Variants in GPHN observed in about 807,000 individuals in gnomAD.
The protein encoded by GPHN is gephyrin.
GPHN carries 17 observed loss-of-function variants against 95.5 expected under a neutral mutation model. The ratio of observed to expected loss-of-function variants is 0.18; its 90% CI spans 0.12 to 0.27. GPHN has a LOEUF of 0.27. Ranked by LOEUF, GPHN falls within the 10% of genes least tolerant of loss-of-function variation. The pLI is 1.00. For missense variants in GPHN, 660 were observed against 978.1 expected (o/e 0.67, Z 4.34); for synonymous variants, 320 against 322.5 (o/e 0.99, Z 0.08).
the GPHN span, among the ~76,000 whole-genome samples, chr14:67,247,403 G>A: frequency 1.3e-5 from 2 of 152,184 alleles, no homozygotes; most frequent in Admixed American, 1.3e-4. Flanking sequence ...AGCTCTAGGA[G>A]CTTTTTTATT....
chr14:66,533,168 C>G (rs1379991153), intron 1 of GPHN, among the ~76,000 whole-genome samples: 2 of 152,228 alleles, frequency 1.3e-5, no homozygotes, highest in Non-Finnish European at 2.9e-5. Context: ...AGCTCTCTGC[C>G]TATGGCTATT....
chr14:67,198,163 TGAA>T, the GPHN span: 36,100 of 1,611,864 alleles, frequency 0.022, 1,492 homozygotes, highest in African/African-American at 0.15. Context: ...GCAAGCGCAA[TGAA>T]GAAGAACACC....
chr14:66,571,482 T>C (rs10140885), intron 1 of GPHN, among the ~76,000 whole-genome samples: 263 of 152,256 alleles, frequency 1.7e-3, no homozygotes, highest in African/African-American at 6.1e-3. Context: ...GGCAAAAGAC[T>C]TTTAGTTTGC....
At chr14:67,643,854 A>T in the GPHN span, among the ~76,000 whole-genome samples, 4 of 12,308 alleles carry the variant, frequency 3.2e-4, no homozygotes, top group East Asian at 0.016. Context: ...CTTGGGAGTA[A>T]AAAAAAAAAA....
At chr14:67,540,575 A>G in the GPHN span, among the ~76,000 whole-genome samples, 1 of 151,898 alleles carries the variant, frequency 6.6e-6, no homozygotes, top group Non-Finnish European at 1.5e-5. Flanking sequence ...GTAGTGAGCC[A>G]AAATTGCACC....
chr14:66,971,993 C>T (rs1215922906), intron 9 of GPHN, among the ~76,000 whole-genome samples: 2 of 152,008 alleles, frequency 1.3e-5, no homozygotes, highest in East Asian at 3.9e-4. Flanking sequence ...TTGGGCTGGG[C>T]GTGGTGGCTC....
At chr14:66,866,574 G>A (rs1046445666) in intron 4 of GPHN, among the ~76,000 whole-genome samples, 3 of 152,144 alleles carry the variant, frequency 2.0e-5, no homozygotes, top group Non-Finnish European at 2.9e-5. Flanking sequence ...GAAAAGTTGT[G>A]ATGCTAACGA....
intron 8 of GPHN, among the ~76,000 whole-genome samples, chr14:66,956,106 T>G (rs1254454760): frequency 6.6e-6 from 1 of 152,208 alleles, no homozygotes; most frequent in Non-Finnish European, 1.5e-5. Flanking sequence ...ATAATTCTTA[T>G]TATTTTCTTT....
At chr14:67,313,598 G>A in the GPHN span, among the ~76,000 whole-genome samples, 1 of 152,100 alleles carries the variant, frequency 6.6e-6, no homozygotes, top group Non-Finnish European at 1.5e-5. Flanking sequence ...TATCGGAGAA[G>A]GCAAAGGAAT....
At chr14:67,508,221 C>T in the GPHN span, among the ~76,000 whole-genome samples, 2 of 151,990 alleles carry the variant, frequency 1.3e-5, no homozygotes, top group African/African-American at 4.8e-5. Context: ...TCCTTAGCTT[C>T]CAGTTTGACT....
chr14:67,700,750 C>T, the GPHN span, among the ~76,000 whole-genome samples: 1 of 146,140 alleles, frequency 6.8e-6, no homozygotes, highest in African/African-American at 2.6e-5. Flanking sequence ...GTTGGCTGGG[C>T]ATGGTGACTC....
the GPHN span, among the ~76,000 whole-genome samples, chr14:67,428,030 T>C: frequency 6.6e-6 from 1 of 151,802 alleles, no homozygotes; most frequent in African/African-American, 2.4e-5. Context: ...CAAGCGATTC[T>C]CCTGCCTCAG....
chr14:67,018,980 T>C (rs1406367504), intron 9 of GPHN, among the ~76,000 whole-genome samples: 1 of 152,158 alleles, frequency 6.6e-6, no homozygotes, highest in African/African-American at 2.4e-5. Flanking sequence ...AGTTTAGACA[T>C]TGCTAACTAA....
the GPHN span, among the ~76,000 whole-genome samples, chr14:67,409,822 C>A: frequency 6.6e-6 from 1 of 152,202 alleles, no homozygotes; most frequent in African/African-American, 2.4e-5. Context: ...CCTGCCACAG[C>A]CTGCAACTTC....
chr14:67,220,611 T>G, the GPHN span, among the ~76,000 whole-genome samples: 1 of 152,226 alleles, frequency 6.6e-6, no homozygotes, highest in African/African-American at 2.4e-5. Context: ...AGAATTTACT[T>G]TATAAAACAT....
intron 1 of GPHN, among the ~76,000 whole-genome samples, chr14:66,530,935 T>C (rs2058901956): frequency 6.6e-6 from 1 of 151,466 alleles, no homozygotes. Context: ...GCCCACTGTT[T>C]TCTTGTTTGT....
Position 67,113,118 on chromosome 14 carries a change from G to C in GPHN, c.1573G>C (p.Glu525Gln). 1 of 1,613,964 alleles carries C rather than the reference G, an allele frequency of 6.2e-7. No homozygotes were observed. The highest frequency in any genetic ancestry group is 8.5e-7 in the Non-Finnish European group (1 of 1,179,846). Residue 525 changes from glutamate to glutamine, a missense_variant, in exon 16 of 23, where the codon GAG becomes CAG. This residue lies in a region of GPHN where 257 missense variants were observed against 376.2 expected (regional missense o/e 0.68). Transcript: ENST00000478722. ...TCTTCTGGCAACTGTAGGTGTCACA[G>C]AGGTTGAAGTTAATAAGTTTCCAGT... Reference protein sequence around the residue: ...IGLLATVGVTEVEVNKFPVVA... With the variant: ...IGLLATVGVTQVEVNKFPVVA...
chr14:67,676,580 A>G, the GPHN span, among the ~76,000 whole-genome samples: 11 of 150,390 alleles, frequency 7.3e-5, no homozygotes, highest in Non-Finnish European at 1.6e-4. Context: ...AAAAGAAAGG[A>G]AAAAAAAATG....
intron 5 of GPHN, among the ~76,000 whole-genome samples, chr14:66,913,640 C>T (rs1417383114): frequency 3.3e-5 from 5 of 151,858 alleles, no homozygotes; most frequent in Admixed American, 3.3e-4. Context: ...ACACTGGCTA[C>T]TTTTTTTTAA....
Sources: gnomAD v4.1 joint callset for allele counts (sites outside exome capture counted in the v4.1 genomes callset) on GRCh38, gnomAD v4.1.1 for gene constraint, gnomAD v4.1.1 regional missense constraint, MANE v1.5 for transcripts, NCBI Gene and HGNC (gene_info 2026-07-23, HGNC 2026-07-21) for gene names.